The following TLDC2 variants were observed in gnomAD, a reference collection of about 807,000 sequenced individuals.
The protein encoded by TLDC2 is TLD domain-containing protein 2.
In TLDC2, 23 loss-of-function variants were observed where a neutral mutation model predicts 27.9. The observed-to-expected ratio is 0.82, with a 90% CI of 0.59 to 1.17. The LOEUF is 1.17. Ranked by LOEUF, TLDC2 falls within the 50% of genes most tolerant of loss-of-function variation. TLDC2 has a pLI of 0.00. For synonymous variants in TLDC2, 124 were observed against 107.4 expected (o/e 1.16, Z -0.96); for missense variants, 286 against 273.4 (o/e 1.05, Z -0.32).
chr20:36,885,004 G>A (rs1173449024), intron 4 of TLDC2, among the ~76,000 whole-genome samples: 1 of 146,994 alleles, frequency 6.8e-6, no homozygotes, highest in Admixed American at 7.1e-5. Flanking sequence ...TCAGCCTCCC[G>A]AGTAGCTGGG....
chr20:36,885,235 G>A (rs982403508), intron 4 of TLDC2, among the ~76,000 whole-genome samples: 7 of 152,092 alleles, frequency 4.6e-5, no homozygotes, highest in African/African-American at 1.7e-4. Flanking sequence ...GTCCGTTGAG[G>A]CAGAGGTTTT....
At chr20:36,883,334 A>C (rs1249766736) in intron 4 of TLDC2, among the ~76,000 whole-genome samples, 1 of 151,724 alleles carries the variant, frequency 6.6e-6, no homozygotes, top group Non-Finnish European at 1.5e-5. Context: ...ATGTGGTTTT[A>C]CTATGTTGCC....
intron 3 of TLDC2, among the ~76,000 whole-genome samples, chr20:36,880,084 T>TATATATATATATATAC (rs1989776205): frequency 2.2e-5 from 1 of 44,770 alleles, no homozygotes; most frequent in African/African-American, 5.3e-5. Flanking sequence ...TATATATATA[T>TATATATATATATATAC]ATATATATAT....
Position 36,878,051 on chromosome 20 carries a change from G to C in TLDC2, c.186G>C (p.Arg62=). 2 of 1,611,732 alleles carry C rather than the reference G, an allele frequency of 1.2e-6. No homozygotes were observed. The highest frequency in any genetic ancestry group is 8.5e-7 in the Non-Finnish European group (1 of 1,178,858). Reference sequence around the variant, plus strand: ...AGGTTTTGAGTGCCTCAGAGATTCGGCAGGTCTGGGCATTGCCCATGGCAC... The same window carrying C: ...AGGTTTTGAGTGCCTCAGAGATTCGCCAGGTCTGGGCATTGCCCATGGCAC... ...ASQVLSASEI[R]QLSFHFPPRV... is the part of the protein sequence containing the mutation. Residue 62 remains arginine, a synonymous_variant, in exon 2 of 7, where the codon CGG becomes CGC. Coordinates refer to ENST00000217320, the MANE Select transcript of TLDC2 (RefSeq NM_080628.3).
rs139575282 is a variant in TLDC2 at position 36,883,678 on chromosome 20, G to A, written c.438+2928G>A. On this transcript the variant is annotated intron_variant, in intron 4 of 6. Transcript: ENST00000217320. The stretch of plus-strand genomic sequence containing the variant: ...TATATTCGGGATCCACCAGTGCCAT[G>A]TCCTTTACTGCCATCTTGGTTCAAG... Among the ~76,000 whole-genome samples, 689 of 152,266 alleles carry A rather than the reference G, an allele frequency of 4.5e-3. 11 individuals carry two copies. Among genetic ancestry groups the A allele is most frequent in the East Asian group, 0.028 (143 of 5,172 alleles).
At chr20:36,882,908 T>C (rs1989845254) in intron 4 of TLDC2, among the ~76,000 whole-genome samples, 3 of 152,184 alleles carry the variant, frequency 2.0e-5, no homozygotes, top group Admixed American at 6.5e-5. Flanking sequence ...ACATTGACTA[T>C]TCCTAGTAGA....
At chr20:36,886,880 G>C (rs1275987201) in intron 4 of TLDC2, among the ~76,000 whole-genome samples, 1 of 152,196 alleles carries the variant, frequency 6.6e-6, no homozygotes, top group East Asian at 1.9e-4. Context: ...GGAGGACTTA[G>C]GCAGAGGAGA....
At position 36,893,149 on chromosome 20, in the gene TLDC2, C is replaced by T; in HGVS notation, c.*305C>T. ...TTTCTGAGTGAAAGTCTCAAGTGCG[C>T]ACATCCTCATCTTGCATATAGATTG... is the stretch of plus-strand genomic sequence containing the variant. On this transcript the variant is annotated 3_prime_UTR_variant, in exon 7 of 7. Coordinates refer to ENST00000217320, the MANE Select transcript of TLDC2 (RefSeq NM_080628.3). 2.0e-6 allele frequency: 3 copies of T among 1,527,546 alleles called. No individual in the cohort carries two copies. The highest frequency in any genetic ancestry group is 1.1e-5 in the South Asian group (1 of 89,036). 94.6% of individuals were successfully genotyped at this position (1,527,546 alleles called of 1,614,324 possible).
At chr20:36,878,411 T>C (rs910289288) in intron 2 of TLDC2, among the ~76,000 whole-genome samples, 7 of 152,002 alleles carry the variant, frequency 4.6e-5, no homozygotes, top group African/African-American at 1.7e-4. Flanking sequence ...CAAAACCCTG[T>C]CTCTACTAAA....
intron 5 of TLDC2, among the ~76,000 whole-genome samples, chr20:36,888,693 A>G (rs1197826020): frequency 2.4e-5 from 3 of 122,464 alleles, no homozygotes; most frequent in Non-Finnish European, 5.1e-5. Context: ...GCGACAGAGC[A>G]AGACTCCTAT....
chr20:36,878,999 C>A (rs752145393), intron 2 of TLDC2, 42 bp from the exon 3 acceptor site: 1 of 1,613,086 alleles, frequency 6.2e-7, no homozygotes, highest in African/African-American at 1.3e-5. Context: ...GGCAGGAGGG[C>A]GCGAGGAGAA....
intron 3 of TLDC2, 100 bp from the exon 4 acceptor site, chr20:36,880,555 G>A (rs954574356): frequency 1.8e-5 from 17 of 933,294 alleles, no homozygotes; most frequent in Middle Eastern, 2.2e-4. Context: ...CTTCCCAGGT[G>A]TCCTCTAGGA....
At chr20:36,878,994 G>A in intron 2 of TLDC2, 47 bp from the exon 3 acceptor site, 1 of 1,613,784 alleles carries the variant, frequency 6.2e-7, no homozygotes, top group South Asian at 1.1e-5. Flanking sequence ...GATATGGCAG[G>A]AGGGCGCGAG....
chr20:36,893,338 C>T lies in TLDC2; in HGVS notation c.*494C>T, dbSNP rs1368584054. On this transcript the variant is annotated 3_prime_UTR_variant, in exon 7 of 7. Coordinates refer to ENST00000217320, the MANE Select transcript of TLDC2 (RefSeq NM_080628.3). The stretch of plus-strand genomic sequence containing the variant: ...GCATACCACTGCCCACCTCTATGGC[C>T]TCCTTCACACACCTTCACGGAGCAC... 1.9e-5 allele frequency: 10 copies of T among 516,070 alleles called. No individual in the cohort carries two copies. The highest frequency in any genetic ancestry group is 6.4e-5 in the South Asian group (3 of 46,534). The allele number at this position is 516,070 out of a possible 1,614,324, so 32.0% of individuals were successfully genotyped here.
intron 6 of TLDC2, 88 bp downstream of exon 6, chr20:36,889,491 G>T (rs888039561): frequency 6.9e-7 from 1 of 1,446,386 alleles, no homozygotes. Flanking sequence ...AAGGGCCCTA[G>T]AGTTGGCCGA....
intron 4 of TLDC2, among the ~76,000 whole-genome samples, chr20:36,883,773 G>A (rs1183485961): frequency 6.6e-6 from 1 of 152,164 alleles, no homozygotes; most frequent in Non-Finnish European, 1.5e-5. Flanking sequence ...ACTTCAGTCA[G>A]CACAGTAGCT....
At chr20:36,890,915 T>C (rs569383031) in intron 6 of TLDC2, 2 of 152,356 alleles carry the variant, frequency 1.3e-5, no homozygotes, top group South Asian at 4.1e-4. Flanking sequence ...AGCACAATGA[T>C]ACAATATTAG....
intron 6 of TLDC2, chr20:36,891,834 C>T (rs1990081659): frequency 6.6e-6 from 1 of 152,484 alleles, no homozygotes; most frequent in East Asian, 1.9e-4. Flanking sequence ...ACTACAGGCA[C>T]ACGCCGCCAC....
chr20:36,882,083 C>T (rs1989827664), intron 4 of TLDC2, among the ~76,000 whole-genome samples: 1 of 152,134 alleles, frequency 6.6e-6, no homozygotes, highest in Non-Finnish European at 1.5e-5. Flanking sequence ...GAGTGACAGG[C>T]ACAAGATGAC....
Sources: allele counts gnomAD v4.1 joint callset (sites outside exome capture counted in the v4.1 genomes callset), GRCh38; gene constraint gnomAD v4.1.1; transcripts MANE v1.5; gene names NCBI Gene and HGNC (gene_info 2026-07-23, HGNC 2026-07-21).